Variants in FMN1 observed in about 807,000 individuals in gnomAD.
FMN1 encodes the protein formin 1.
FMN1 carries 110 observed loss-of-function variants against 132.4 expected under a neutral mutation model. That is an observed-to-expected ratio of 0.83 (90% CI 0.71 to 0.97). The LOEUF is 0.97. FMN1 is among the 50% of genes least tolerant of loss of function. FMN1 has a pLI of 0.00. For missense variants in FMN1, 1,792 were observed against 1,705.3 expected (o/e 1.05, Z -0.90); for synonymous variants, 722 against 651.7 (o/e 1.11, Z -1.64).
chr15:32,938,142 T>C (rs1311184296), intron 9 of FMN1, among the ~76,000 whole-genome samples: 1 of 152,122 alleles, frequency 6.6e-6, no homozygotes, highest in Non-Finnish European at 1.5e-5. Context: ...TAGAAACACA[T>C]TACTGACAAC....
At chr15:33,070,504 C>T (rs941445378) in intron 5 of FMN1, among the ~76,000 whole-genome samples, 2 of 151,136 alleles carry the variant, frequency 1.3e-5, no homozygotes, top group African/African-American at 4.9e-5. Flanking sequence ...GGAACAGATG[C>T]TGGAAGGGGC....
At chr15:33,125,464 C>A (rs1054184485) in intron 4 of FMN1, among the ~76,000 whole-genome samples, 1 of 151,960 alleles carries the variant, frequency 6.6e-6, no homozygotes, top group Non-Finnish European at 1.5e-5. Context: ...AAGGAAATAT[C>A]TAATGGGGTT....
chr15:32,908,003 G>C lies in FMN1; in HGVS notation c.3377+487C>G, dbSNP rs1357208451. On this transcript the variant is annotated intron_variant, in intron 12 of 20. Coordinates refer to ENST00000616417, the MANE Select transcript of FMN1 (RefSeq NM_001277313.2). ...CTGGAGAGAAAAACAAGCATGTACA[G>C]AGTGAGGGTGAGAAAAAGCCACATT... Among the ~76,000 whole-genome samples the C allele has an allele frequency of 2.0e-5, 3 of 152,188 alleles. No individual in the cohort carries two copies. The East Asian group carries it at 5.8e-4, about 29-fold the overall frequency.
intron 6 of FMN1, among the ~76,000 whole-genome samples, chr15:33,027,231 G>A (rs551917474): frequency 1.3e-5 from 2 of 152,222 alleles, no homozygotes; most frequent in African/African-American, 4.8e-5. Context: ...CCTCCACAGG[G>A]TGCCAGGAGA....
chr15:33,035,495 C>T (rs531100398), intron 6 of FMN1, among the ~76,000 whole-genome samples: 64 of 152,224 alleles, frequency 4.2e-4, no homozygotes, highest in African/African-American at 1.5e-3. Flanking sequence ...CTTTACTGCT[C>T]CAGTCATGTA....
intron 16 of FMN1, among the ~76,000 whole-genome samples, chr15:32,861,595 A>C (rs1245024904): frequency 6.6e-6 from 1 of 152,206 alleles, no homozygotes; most frequent in Non-Finnish European, 1.5e-5. Flanking sequence ...GCAGGCTCAT[A>C]AATATTATTT....
intron 6 of FMN1, among the ~76,000 whole-genome samples, chr15:33,020,101 T>G (rs1005538082): frequency 1.3e-5 from 2 of 152,110 alleles, no homozygotes; most frequent in African/African-American, 4.8e-5. Flanking sequence ...TAACCAAATC[T>G]AAAGAGGCTG....
intron 12 of FMN1, among the ~76,000 whole-genome samples, chr15:32,906,319 G>GA (rs1219329473): frequency 6.6e-6 from 1 of 151,952 alleles, no homozygotes; most frequent in African/African-American, 2.4e-5. Context: ...CTAAATTGTT[G>GA]AAAAAAGAGT....
intron 2 of FMN1, among the ~76,000 whole-genome samples, chr15:33,185,786 G>A (rs916264409): frequency 1.3e-5 from 2 of 151,812 alleles, no homozygotes; most frequent in Admixed American, 6.6e-5. Flanking sequence ...TGGCCAGGCT[G>A]GTCTCGAACT....
chr15:33,166,393 G>C (rs182680705), intron 3 of FMN1, among the ~76,000 whole-genome samples: 32 of 151,468 alleles, frequency 2.1e-4, no homozygotes, highest in Admixed American at 5.3e-4. Flanking sequence ...ATTTAAAAAT[G>C]TATTGCGGGA....
intron 16 of FMN1, among the ~76,000 whole-genome samples, chr15:32,877,316 T>C (rs1172890454): frequency 2.7e-5 from 4 of 150,578 alleles, no homozygotes; most frequent in African/African-American, 9.7e-5. Flanking sequence ...ATAGATGGTA[T>C]CAACACAAGA....
intron 4 of FMN1, among the ~76,000 whole-genome samples, chr15:33,096,001 A>C (rs1189812128): frequency 1.1e-5 from 1 of 90,404 alleles, no homozygotes; most frequent in Non-Finnish European, 1.8e-5. Flanking sequence ...GGTAAATACC[A>C]AAAAAAAAAA....
intron 7 of FMN1, among the ~76,000 whole-genome samples, chr15:32,983,052 ATTAC>A (rs1381235765): frequency 6.6e-6 from 1 of 152,146 alleles, no homozygotes; most frequent in Non-Finnish European, 1.5e-5. Context: ...CACACATCCT[ATTAC>A]TTATGTTTCT....
chr15:33,092,581 C>T (rs1002511695), intron 4 of FMN1, among the ~76,000 whole-genome samples: 22 of 152,142 alleles, frequency 1.4e-4, no homozygotes, highest in African/African-American at 4.6e-4. Flanking sequence ...TCGAATGAGA[C>T]GTGGAACATC....
At chr15:32,863,214 C>T (rs999397134) in intron 16 of FMN1, among the ~76,000 whole-genome samples, 9 of 152,100 alleles carry the variant, frequency 5.9e-5, no homozygotes, top group South Asian at 2.1e-4. Flanking sequence ...GAGGCCGAGG[C>T]GGGCGGATCA....
intron 16 of FMN1, among the ~76,000 whole-genome samples, chr15:32,870,051 G>C (rs1268558144): frequency 6.6e-6 from 1 of 152,116 alleles, no homozygotes; most frequent in Non-Finnish European, 1.5e-5. Flanking sequence ...TAGTTTTCCT[G>C]GTCAAGTGCT....
rs1462264371 is a variant in FMN1, at chr15:33,055,968, T to TG, written c.2161+8988dup. Among the ~76,000 whole-genome samples, 8 of 152,306 alleles carry TG rather than the reference T, an allele frequency of 5.3e-5. No individual in the cohort carries two copies. In the East Asian group the frequency reaches 1.5e-3, roughly 29 times the overall value. On this transcript the variant is annotated intron_variant, in intron 6 of 20. Transcript: ENST00000616417. Reference sequence around the variant, plus strand: ...CACCCACGAGGATATGCAATGGCCATGAAAAAGTGCTCAGCCTGGCTGGTG... The same window carrying TG: ...CACCCACGAGGATATGCAATGGCCATGGAAAAAGTGCTCAGCCTGGCTGGTG...
Position 33,183,234 on chromosome 15 carries a change from A to G in FMN1, c.-196-2972T>C, listed in dbSNP as rs564517153. On this transcript the variant is annotated intron_variant, in intron 2 of 20. Coordinates refer to ENST00000616417, the MANE Select transcript of FMN1 (RefSeq NM_001277313.2). ...TGAGACTCAGCTTCCTCATTTATAA[A>G]ATGGAGAAAACAAATGCCTACCTAA... 8.4e-4 allele frequency among the ~76,000 whole-genome samples: 128 copies of G among 152,344 alleles called. 1 individual carries two copies. Among genetic ancestry groups the G allele is most frequent in the Admixed American group, 4.3e-3 (66 of 15,306 alleles).
chr15:33,085,570 CATAATTTATATATCATAT>C (rs1206099614), intron 5 of FMN1, among the ~76,000 whole-genome samples: 1 of 148,730 alleles, frequency 6.7e-6, no homozygotes, highest in Non-Finnish European at 1.5e-5. Flanking sequence ...TATACATATG[CATAATTTATATATCATAT>C]ATGTAATATA....
Sources: allele counts gnomAD v4.1 joint callset (sites outside exome capture counted in the v4.1 genomes callset), GRCh38; gene constraint gnomAD v4.1.1; transcripts MANE v1.5; gene names NCBI Gene and HGNC (gene_info 2026-07-23, HGNC 2026-07-21).